SLC41A2: variants seen among roughly 807,000 people sequenced by gnomAD.
SLC41A2 encodes solute carrier family 41 member 2.
SLC41A2 carries 32 observed loss-of-function variants against 58.3 expected under a neutral mutation model. The observed-to-expected ratio is 0.55, with a 90% confidence interval of 0.41 to 0.74. SLC41A2 has a LOEUF of 0.74. Ranked by LOEUF, SLC41A2 falls within the 30% of genes least tolerant of loss-of-function variation. The pLI is 0.00. For synonymous variants in SLC41A2, 190 were observed against 235.0 expected, an observed-to-expected ratio of 0.81 and a Z score of 1.75; for missense variants, 514 against 680.6, an observed-to-expected ratio of 0.76 and a Z score of 2.72.
At chr12:104,929,704 G>C (rs957070857) in intron 1 of SLC41A2, among the ~76,000 whole-genome samples, 1 of 152,214 alleles carries the variant, frequency 6.6e-6, no homozygotes, top group Non-Finnish European at 1.5e-5. Context: ...AAACACCTAG[G>C]CCTGTCTTAT....
In SLC41A2 at chr12:104,945,215, A is replaced by G. The variant is rs117527946; in HGVS notation, c.-168+12873T>C. Among the ~76,000 whole-genome samples the G allele has an allele frequency of 6.7e-3, 1,010 of 151,688 alleles. 7 individuals are homozygous for G. The highest frequency in any genetic ancestry group is 0.011 in the Non-Finnish European group (772 of 67,838). On this transcript the variant is annotated intron_variant, in intron 1 of 10. Coordinates refer to ENST00000258538, the MANE Select transcript of SLC41A2 (RefSeq NM_001352171.3). Reference sequence around the variant, plus strand: ...ATAAAAAGTAAGAAAAGAAAAGAAAAGAAGGCTGGGCACGGTAGTTCACAC... The same window carrying G: ...ATAAAAAGTAAGAAAAGAAAAGAAAGGAAGGCTGGGCACGGTAGTTCACAC...
intron 10 of SLC41A2, among the ~76,000 whole-genome samples, chr12:104,837,659 C>A (rs1444266387): frequency 6.6e-6 from 1 of 151,612 alleles, no homozygotes; most frequent in Non-Finnish European, 1.5e-5. Flanking sequence ...AGAACAGGGG[C>A]CAAAAGGAAG....
At position 104,928,442 on chromosome 12, in the gene SLC41A2, C is replaced by G. The variant is rs755953713; in HGVS notation, c.86G>C (p.Arg29Pro). The change falls in exon 2 of 11, where the codon CGT (arginine) becomes CCT (proline). Residue 29 changes from arginine (R) to proline (P), a missense_variant. Transcript: ENST00000258538. ...SGGGFVDWTL[R>P]LNTIQSDKFL... ...CTTGTCGGATTGAATTGTGTTTAAA[C>G]GTAAAGTCCAATCTACAAAACCTCC... The G allele has an allele frequency of 2.6e-6, 4 of 1,551,564 alleles. No individual in the cohort carries two copies. Among genetic ancestry groups the G allele is most frequent in the Admixed American group, 3.9e-5 (2 of 50,784 alleles).
intron 1 of SLC41A2, among the ~76,000 whole-genome samples, chr12:104,950,432 G>A (rs1007331886): frequency 6.6e-6 from 1 of 152,078 alleles, no homozygotes; most frequent in Non-Finnish European, 1.5e-5. Flanking sequence ...CTTCCCCTTC[G>A]CCTTCCGCCA....
At chr12:104,872,661 C>T (rs930986429) in intron 6 of SLC41A2, among the ~76,000 whole-genome samples, 5 of 150,374 alleles carry the variant, frequency 3.3e-5, no homozygotes, top group East Asian at 2.0e-4. Flanking sequence ...GCCTGGGAGG[C>T]GGAGGTTGCA....
intron 2 of SLC41A2, among the ~76,000 whole-genome samples, chr12:104,924,505 G>A (rs991788223): frequency 5.3e-5 from 8 of 152,254 alleles, no homozygotes; most frequent in Non-Finnish European, 1.5e-5. Context: ...AGCACTTTGG[G>A]AGGCTGAGGC....
intron 10 of SLC41A2, among the ~76,000 whole-genome samples, chr12:104,811,825 A>G (rs1164263242): frequency 2.6e-5 from 4 of 152,230 alleles, no homozygotes; most frequent in African/African-American, 9.6e-5. Flanking sequence ...GAATCCACGA[A>G]AGGTTTGGAC....
rs947296007 is a variant in SLC41A2 at position 104,802,985 on chromosome 12, G to T, written c.*2167C>A. Reference sequence around the variant, plus strand: ...TAGAAATGTAAGTTCTCTGAATTTCGGTTTCCTCTGCTGTAAAATAGAGAT... The same window carrying T: ...TAGAAATGTAAGTTCTCTGAATTTCTGTTTCCTCTGCTGTAAAATAGAGAT... On this transcript the variant is annotated 3_prime_UTR_variant, in exon 11 of 11. Transcript: ENST00000258538. The T allele has an allele frequency of 6.6e-6, 1 of 151,924 alleles. No individual in the cohort carries two copies. 9.4% of individuals were successfully genotyped at this position (151,924 alleles called of 1,614,324 possible).
rs556802048 is a variant in SLC41A2 at position 104,949,613 on chromosome 12, C to T, written c.-168+8475G>A. ...CTTTTTCTTTTTTTAGACGGAGTTT[C>T]GCTCTTGTTGCCCAGGCTGGAGTGC... On this transcript the variant is annotated intron_variant, in intron 1 of 10. Coordinates refer to ENST00000258538, the MANE Select transcript of SLC41A2 (RefSeq NM_001352171.3). Among the ~76,000 whole-genome samples the T allele has an allele frequency of 1.0e-3, 155 of 152,250 alleles. 1 individual carries two copies. The highest frequency in any genetic ancestry group is 2.4e-4 in the Non-Finnish European group (16 of 68,010).
At chr12:104,901,169 T>C (rs1322267132) in intron 3 of SLC41A2, among the ~76,000 whole-genome samples, 1 of 152,202 alleles carries the variant, frequency 6.6e-6, no homozygotes, top group Non-Finnish European at 1.5e-5. Context: ...CTAGGTGATT[T>C]GCTCCTGGGA....
chr12:104,916,627 T>C (rs943142329), intron 2 of SLC41A2, among the ~76,000 whole-genome samples: 5 of 152,070 alleles, frequency 3.3e-5, no homozygotes, highest in African/African-American at 1.2e-4. Context: ...AAAACAGAGA[T>C]ATAGATCAAT....
intron 1 of SLC41A2, among the ~76,000 whole-genome samples, chr12:104,944,361 G>A (rs577914409): frequency 2.6e-5 from 4 of 152,156 alleles, no homozygotes; most frequent in East Asian, 1.9e-4. Flanking sequence ...GGACACCTTC[G>A]TAATGGCACC....
At chr12:104,858,601 A>G (rs190352780) in intron 8 of SLC41A2, among the ~76,000 whole-genome samples, 2 of 152,344 alleles carry the variant, frequency 1.3e-5, no homozygotes, top group South Asian at 2.1e-4. Flanking sequence ...TTTGAGGAGC[A>G]TAGAGTAAAC....
chr12:104,810,263 G>A (rs1285594714), intron 10 of SLC41A2, among the ~76,000 whole-genome samples: 3 of 151,860 alleles, frequency 2.0e-5, no homozygotes, highest in Admixed American at 1.3e-4. Context: ...AGTATATGGA[G>A]GTAAATTTAC....
chr12:104,810,384 A>G (rs912945158), intron 10 of SLC41A2, among the ~76,000 whole-genome samples: 1 of 152,220 alleles, frequency 6.6e-6, no homozygotes, highest in South Asian at 2.1e-4. Context: ...CAAGAAAAAT[A>G]AATGAATAAA....
rs180932250 is a variant in SLC41A2, at chr12:104,905,623, A to G, written c.663+4032T>C. Among the ~76,000 whole-genome samples the G allele has an allele frequency of 9.0e-3, 1,375 of 152,336 alleles. 18 individuals carry two copies. Among genetic ancestry groups the G allele is most frequent in the African/African-American group, 0.03 (1,261 of 41,586 alleles). On this transcript the variant is annotated intron_variant, in intron 3 of 10. Transcript: ENST00000258538. ...AGCCCATGGAGTGGGTGGGAGGCTC[A>G]GGCATGGCAGGCTGCAGGTCCTGAG...
At chr12:104,940,565 T>C (rs2468397) in intron 1 of SLC41A2, among the ~76,000 whole-genome samples, 62,664 of 147,428 alleles carry the variant, frequency 0.43, 14,392 homozygotes, top group Middle Eastern at 0.53. Flanking sequence ...TAAAATGGAA[T>C]GAAAGTATCT....
At chr12:104,892,182 C>A (rs192537470) in intron 4 of SLC41A2, among the ~76,000 whole-genome samples, 2 of 151,668 alleles carry the variant, frequency 1.3e-5, no homozygotes, top group East Asian at 3.9e-4. Flanking sequence ...CCCCAGTAAT[C>A]CCAGCTGAGG....
chr12:104,948,285 A>G (rs1047412318), intron 1 of SLC41A2, among the ~76,000 whole-genome samples: 1 of 152,186 alleles, frequency 6.6e-6, no homozygotes, highest in African/African-American at 2.4e-5. Context: ...TGCTTCCTAC[A>G]TCATTTATAC....
Sources: allele counts gnomAD v4.1 joint callset (sites outside exome capture counted in the v4.1 genomes callset), GRCh38; gene constraint gnomAD v4.1.1; transcripts MANE v1.5; gene names NCBI Gene and HGNC (gene_info 2026-07-23, HGNC 2026-07-21).